Variants in FNIP1 observed in about 807,000 individuals in gnomAD.
The protein encoded by FNIP1 is folliculin-interacting protein 1.
A neutral mutation model predicts 124.5 loss-of-function variants in FNIP1; 40 were observed. The ratio of observed to expected loss-of-function variants is 0.32; its 90% CI spans 0.25 to 0.42. The LOEUF (loss-of-function observed/expected upper bound fraction) is 0.42. FNIP1 is among the 10% of genes least tolerant of loss of function. FNIP1 has a pLI of 1.00. For missense variants in FNIP1, 1,176 were observed against 1,403.7 expected, an observed-to-expected ratio of 0.84 and a Z score of 2.59; for synonymous variants, 472 against 470.6, an observed-to-expected ratio of 1.00 and a Z score of -0.04.
chr5:131,688,225 C>G (rs1768349125), intron 11 of FNIP1, among the ~76,000 whole-genome samples: 1 of 151,068 alleles, frequency 6.6e-6, no homozygotes, highest in Non-Finnish European at 1.5e-5. Context: ...AAAAGAGCTG[C>G]AGGACACAGA....
chr5:131,693,242 C>T (rs890169271), intron 11 of FNIP1, among the ~76,000 whole-genome samples: 3 of 133,796 alleles, frequency 2.2e-5, no homozygotes, highest in African/African-American at 5.6e-5. Flanking sequence ...TAAAGATACA[C>T]AATTTTTACC....
intron 2 of FNIP1, among the ~76,000 whole-genome samples, chr5:131,743,259 T>C (rs949500484): frequency 1.3e-5 from 2 of 152,006 alleles, no homozygotes; most frequent in Non-Finnish European, 2.9e-5. Context: ...CAATGTTTGA[T>C]TTCTAGACAC....
chr5:131,672,857 T>C lies in FNIP1; in HGVS notation c.1587A>G (p.Gln529=). 6.2e-7 allele frequency: 1 copy of C among 1,606,730 alleles called. No homozygotes were observed. Among genetic ancestry groups the C allele is most frequent in the Non-Finnish European group, 8.5e-7 (1 of 1,176,880 alleles). ...AATAAAGTAGCCTCTGGACCATGTC[T>C]TGTCGTTTGCCAACTACCACAGTCC... The part of the protein sequence containing the change: ...LARTVVVGKR[Q]DMVQRLLYFL... Residue 529 remains glutamine, a synonymous_variant, in exon 14 of 18, where the codon CAA becomes CAG. Coordinates refer to ENST00000510461, the MANE Select transcript of FNIP1 (RefSeq NM_133372.3).
intron 11 of FNIP1, among the ~76,000 whole-genome samples, chr5:131,689,679 C>T (rs771389110): frequency 2.0e-5 from 3 of 151,742 alleles, no homozygotes; most frequent in Non-Finnish European, 4.4e-5. Context: ...AAATGACATG[C>T]TAAAAGAGGA....
chr5:131,686,768 C>CT (rs34785101), intron 11 of FNIP1, among the ~76,000 whole-genome samples: 3 of 152,040 alleles, frequency 2.0e-5, no homozygotes, highest in African/African-American at 7.2e-5. Context: ...CAGGGTCTTG[C>CT]TTTTTTTGCC....
intron 15 of FNIP1, among the ~76,000 whole-genome samples, chr5:131,658,260 C>G (rs1348395924): frequency 1.3e-5 from 2 of 152,092 alleles, no homozygotes; most frequent in Non-Finnish European, 2.9e-5. Flanking sequence ...ATTTTTATTT[C>G]TTTTACCACA....
At chr5:131,775,791 G>T (rs1187802232) in intron 1 of FNIP1, among the ~76,000 whole-genome samples, 8 of 152,108 alleles carry the variant, frequency 5.3e-5, no homozygotes, top group Admixed American at 5.2e-4. Context: ...GCCTCCCAAA[G>T]TGCTGGGATT....
intron 7 of FNIP1, 114 bp downstream of exon 7, chr5:131,710,464 C>T: frequency 1.1e-6 from 1 of 870,304 alleles, no homozygotes; most frequent in South Asian, 2.3e-5. Flanking sequence ...GCAATGTTTT[C>T]TTAACCACAA....
At chr5:131,662,320 CT>C (rs1767465507) in intron 15 of FNIP1, among the ~76,000 whole-genome samples, 1 of 151,864 alleles carries the variant, frequency 6.6e-6, no homozygotes, top group South Asian at 2.1e-4. Context: ...AAAAAAAAAA[CT>C]GGAAAATTAT....
chr5:131,719,874 G>T (rs1769599909), intron 3 of FNIP1, among the ~76,000 whole-genome samples: 1 of 152,138 alleles, frequency 6.6e-6, no homozygotes, highest in South Asian at 2.1e-4. Context: ...CATAAATGGG[G>T]CAATTTATAT....
intron 16 of FNIP1, among the ~76,000 whole-genome samples, chr5:131,651,588 A>G (rs1358089056): frequency 6.6e-6 from 1 of 152,064 alleles, no homozygotes; most frequent in African/African-American, 2.4e-5. Flanking sequence ...CACTAATACC[A>G]TCAGAGCACC....
At chr5:131,707,661 T>C (rs1204123212) in intron 8 of FNIP1, among the ~76,000 whole-genome samples, 1 of 152,184 alleles carries the variant, frequency 6.6e-6, no homozygotes, top group Non-Finnish European at 1.5e-5. Flanking sequence ...AGATTGGGTA[T>C]GTACAACTAA....
chr5:131,761,185 T>C (rs566190348), intron 1 of FNIP1, among the ~76,000 whole-genome samples: 1 of 152,326 alleles, frequency 6.6e-6, no homozygotes, highest in East Asian at 1.9e-4. Flanking sequence ...GCTCTATTAC[T>C]TTACACAACA....
At position 131,698,969 on chromosome 5, in the gene FNIP1, T is replaced by C. The variant is rs1187674015; in HGVS notation, c.1150A>G (p.Ser384Gly). ...CGATTATATGCCAAACTTCTCTGACTGGCATCAGCTGATCTCCGGCTCATT... is the reference window on the plus strand; with the variant it reads ...CGATTATATGCCAAACTTCTCTGACCGGCATCAGCTGATCTCCGGCTCATT... ...MKMSRRSADA[S>G]QRSLAYNRIV... Residue 384 changes from serine to glycine, a missense_variant, in exon 11 of 18, where the codon AGT becomes GGT. By Grantham distance (56) the Ser-to-Gly change is moderately conservative. Transcript: ENST00000510461. 6.2e-7 allele frequency: 1 copy of C among 1,611,394 alleles called. No individual in the cohort carries two copies. The highest frequency in any genetic ancestry group is 8.5e-7 in the Non-Finnish European group (1 of 1,179,196).
rs143548114 is a variant in FNIP1 at position 131,777,402 on chromosome 5, G to A, written c.92+19428C>T. 4.7e-3 allele frequency among the ~76,000 whole-genome samples: 721 copies of A among 151,884 alleles called. 9 individuals carry two copies. Among genetic ancestry groups the A allele is most frequent in the African/African-American group, 0.016 (676 of 41,444 alleles). On this transcript the variant is annotated intron_variant, in intron 1 of 17. Coordinates refer to ENST00000510461, the MANE Select transcript of FNIP1 (RefSeq NM_133372.3). ...GTTCCTACCAAAAGGAACTGGAATC[G>A]CTGGGAAAAATGGTCCTGTCGTAAA...
intron 11 of FNIP1, among the ~76,000 whole-genome samples, chr5:131,689,940 G>A (rs894348517): frequency 6.6e-6 from 1 of 152,148 alleles, no homozygotes. Flanking sequence ...AGGTATAGAA[G>A]CCGGGTGCAG....
intron 6 of FNIP1, among the ~76,000 whole-genome samples, chr5:131,711,974 T>C (rs1343638657): frequency 6.6e-6 from 1 of 152,200 alleles, no homozygotes; most frequent in East Asian, 1.9e-4. Flanking sequence ...CCCTACCTCT[T>C]CTTCTCAGCA....
chr5:131,719,509 TA>T, intron 3 of FNIP1, 92 bp from the exon 4 acceptor site: 1 of 1,124,556 alleles, frequency 8.9e-7, no homozygotes, highest in Non-Finnish European at 1.3e-6. Flanking sequence ...TTGATATAGT[TA>T]TTCTACATTA....
intron 1 of FNIP1, among the ~76,000 whole-genome samples, chr5:131,752,046 T>TA (rs1561690018): frequency 1.3e-5 from 2 of 152,172 alleles, no homozygotes; most frequent in Non-Finnish European, 2.9e-5. Context: ...TGTGAGTTTG[T>TA]ATTCTTTTTT....
Sources: allele counts gnomAD v4.1 joint callset (sites outside exome capture counted in the v4.1 genomes callset), GRCh38; gene constraint gnomAD v4.1.1; transcripts MANE v1.5; gene names NCBI Gene and HGNC (gene_info 2026-07-23, HGNC 2026-07-21).